Variants in TRPC4AP observed in about 807,000 individuals in gnomAD.
TRPC4AP encodes transient receptor potential cation channel subfamily C member 4 associated protein.
Under a neutral mutation model 99.0 loss-of-function variants are expected in TRPC4AP, and 45 were observed. The observed-to-expected ratio is 0.45, with a 90% CI of 0.36 to 0.58. The LOEUF is 0.58. Ranked by LOEUF, TRPC4AP falls within the 20% of genes least tolerant of loss-of-function variation. The pLI, the probability that TRPC4AP is intolerant of heterozygous loss-of-function variation, is 0.00. For missense variants in TRPC4AP, 879 were observed against 985.3 expected (o/e 0.89, Z 1.44); for synonymous variants, 408 against 385.8 (o/e 1.06, Z -0.67).
intron 7 of TRPC4AP, among the ~76,000 whole-genome samples, chr20:35,039,954 G>C (rs1178032558): frequency 6.6e-6 from 1 of 151,280 alleles, no homozygotes; most frequent in Non-Finnish European, 1.5e-5. Context: ...CAGGAAGATA[G>C]TGTAAATCAT....
At chr20:35,010,372 C>T in intron 11 of TRPC4AP, 84 bp from the exon 12 acceptor site, 3 of 1,117,644 alleles carry the variant, frequency 2.7e-6, no homozygotes, top group African/African-American at 1.5e-5. Context: ...GAGTCTCCTG[C>T]CCACTTCCTG....
chr20:35,069,898 G>C (rs1027722933), intron 2 of TRPC4AP, among the ~76,000 whole-genome samples: 1 of 152,036 alleles, frequency 6.6e-6, no homozygotes, highest in Non-Finnish European at 1.5e-5. Flanking sequence ...CCAACATAGA[G>C]CCACTGCACT....
At chr20:35,065,390 T>C (rs2084117816) in intron 3 of TRPC4AP, among the ~76,000 whole-genome samples, 1 of 152,226 alleles carries the variant, frequency 6.6e-6, no homozygotes, top group Admixed American at 6.5e-5. Context: ...CTTAGTTACA[T>C]ACTTCACATC....
chr20:35,017,648 A>G (rs1459551061), intron 9 of TRPC4AP, among the ~76,000 whole-genome samples: 2 of 152,192 alleles, frequency 1.3e-5, no homozygotes, highest in Non-Finnish European at 2.9e-5. Context: ...CACCTAACTC[A>G]GGTGTTCAGA....
chr20:35,026,647 C>G (rs183032961), intron 8 of TRPC4AP, among the ~76,000 whole-genome samples: 1 of 152,256 alleles, frequency 6.6e-6, no homozygotes, highest in East Asian at 1.9e-4. Flanking sequence ...TAAGGCTGAT[C>G]TATAGATCAG....
In TRPC4AP at chr20:35,069,312, A is replaced by G. The variant is rs768544951; in HGVS notation, c.398T>C (p.Leu133Ser). Reference sequence around the variant, plus strand: ...GCTACTTACATCAACACCTCCAAACAAGTCAAAAATGTAAGTATTTGGATA... The same window carrying G: ...GCTACTTACATCAACACCTCCAAACGAGTCAAAAATGTAAGTATTTGGATA... ...TTYPNTYIFD[L>S]FGGVDLLVEI... Residue 133 changes from leucine (L) to serine (S), a missense_variant, in exon 3 of 19, where the codon TTG becomes TCG. Transcript: ENST00000252015. 4 of 1,600,174 alleles carry G rather than the reference A, an allele frequency of 2.5e-6. No homozygotes were observed. The East Asian group carries it at 8.9e-5, about 36-fold the overall frequency.
intron 14 of TRPC4AP, among the ~76,000 whole-genome samples, chr20:35,007,065 A>T (rs1343564507): frequency 6.6e-6 from 1 of 152,252 alleles, no homozygotes; most frequent in Non-Finnish European, 1.5e-5. Flanking sequence ...AAGAGAATAA[A>T]GCCAATTTAC....
At chr20:35,027,255 T>C (rs1039714813) in intron 8 of TRPC4AP, among the ~76,000 whole-genome samples, 1 of 152,226 alleles carries the variant, frequency 6.6e-6, no homozygotes. Flanking sequence ...GTTTTTACCA[T>C]GAAAGGGTGT....
At chr20:35,077,700 C>G (rs1250340836) in intron 2 of TRPC4AP, among the ~76,000 whole-genome samples, 1 of 152,158 alleles carries the variant, frequency 6.6e-6, no homozygotes, top group Non-Finnish European at 1.5e-5. Flanking sequence ...CTTCCACGAG[C>G]CTTCAGCAGT....
intron 3 of TRPC4AP, among the ~76,000 whole-genome samples, chr20:35,067,487 C>T (rs1036069309): frequency 2.0e-5 from 3 of 152,126 alleles, no homozygotes; most frequent in African/African-American, 7.2e-5. Context: ...TAGAGTTACC[C>T]CATATGACCC....
chr20:35,046,761 C>T (rs6119561), intron 6 of TRPC4AP, among the ~76,000 whole-genome samples: 27 of 152,216 alleles, frequency 1.8e-4, no homozygotes, highest in African/African-American at 5.8e-4. Context: ...GCAACTGTAA[C>T]TTGTAGCTCA....
intron 1 of TRPC4AP, among the ~76,000 whole-genome samples, chr20:35,081,295 T>C (rs1213634554): frequency 6.6e-6 from 1 of 151,950 alleles, no homozygotes; most frequent in Non-Finnish European, 1.5e-5. Flanking sequence ...GACAGATCAC[T>C]TGAGCCCAGG....
At chr20:35,084,269 A>C (rs866879069) in intron 1 of TRPC4AP, among the ~76,000 whole-genome samples, 8 of 144,848 alleles carry the variant, frequency 5.5e-5, no homozygotes, top group South Asian at 2.2e-4. Context: ...ACTCCGTCCC[A>C]AAAAAAAAAA....
intron 5 of TRPC4AP, among the ~76,000 whole-genome samples, chr20:35,051,588 G>A (rs1374833445): frequency 2.7e-5 from 4 of 149,980 alleles, no homozygotes; most frequent in African/African-American, 7.4e-5. Context: ...AATACATTTC[G>A]GTTCTTCAGT....
Position 35,002,858 on chromosome 20 carries a change from A to C in TRPC4AP, c.*288T>G. 5.9e-6 allele frequency: 2 copies of C among 339,970 alleles called. No homozygotes were observed. The highest frequency in any genetic ancestry group is 6.3e-5 in the East Asian group (1 of 15,990). The allele number at this position is 339,970 out of a possible 1,614,324, so 21.1% of individuals were successfully genotyped here. ...AACCGGCAGGAGCTCACACAGAGCT[A>C]ATGCTAAATGTCCTCTTACCTCTGG... is the stretch of plus-strand genomic sequence containing the variant. On this transcript the variant is annotated 3_prime_UTR_variant, in exon 19 of 19. Transcript: ENST00000252015.
At chr20:35,068,815 C>G (rs569634756) in intron 3 of TRPC4AP, among the ~76,000 whole-genome samples, 12 of 150,502 alleles carry the variant, frequency 8.0e-5, no homozygotes, top group Non-Finnish European at 1.8e-4. Context: ...CCACTGCGCC[C>G]GGCCTAAAAT....
At chr20:35,086,525 ATG>A (rs1176461079) in intron 1 of TRPC4AP, among the ~76,000 whole-genome samples, 3,483 of 69,094 alleles carry the variant, frequency 0.05, 212 homozygotes, top group Non-Finnish European at 0.072. Flanking sequence ...GTGTGTATAT[ATG>A]TGTGTGTGTG....
chr20:35,005,922 A>C, intron 15 of TRPC4AP, 119 bp from the exon 16 acceptor site: 1 of 786,564 alleles, frequency 1.3e-6, no homozygotes, highest in Non-Finnish European at 2.1e-6. Flanking sequence ...TGCTTCAGAT[A>C]GGAAGACAGA....
At position 35,003,278 on chromosome 20, in the gene TRPC4AP, G is replaced by A. The variant is rs2082433079; in HGVS notation, c.2262C>T (p.Ser754=). ...CCTTCCAGTATGAGAAGCTGATGCA[G>A]GAGCTCTGGGCAAAGAGGGAGGGGC... is the stretch of plus-strand genomic sequence containing the variant. The part of the protein sequence containing the change: ...DKDSTCLENS[S]CISFSYWKET... The change falls in exon 19 of 19, where the codon TCC becomes TCT. Residue 754 remains serine, a synonymous_variant. Coordinates refer to ENST00000252015, the MANE Select transcript of TRPC4AP (RefSeq NM_015638.3). 1 of 1,613,898 alleles carries A rather than the reference G, an allele frequency of 6.2e-7. No homozygotes were observed. Among genetic ancestry groups the A allele is most frequent in the African/African-American group, 1.3e-5 (1 of 74,896 alleles).
Sources: allele counts gnomAD v4.1 joint callset (sites outside exome capture counted in the v4.1 genomes callset), GRCh38; gene constraint gnomAD v4.1.1; transcripts MANE v1.5; gene names NCBI Gene and HGNC (gene_info 2026-07-23, HGNC 2026-07-21).